Variants in C8orf34 observed in about 807,000 individuals in gnomAD.
The protein encoded by C8orf34 is uncharacterized protein C8orf34.
Under a neutral mutation model 68.3 loss-of-function variants are expected in C8orf34, and 65 were observed. That is an observed-to-expected ratio of 0.95 (90% CI 0.78 to 1.17). The LOEUF is 1.17. C8orf34 is among the 50% of genes most tolerant of loss of function. C8orf34 has a pLI of 0.00. For synonymous variants in C8orf34, 244 were observed against 241.2 expected, an observed-to-expected ratio of 1.01 and a Z score of -0.11; for missense variants, 664 against 655.4, an observed-to-expected ratio of 1.01 and a Z score of -0.14.
chr8:68,465,082 A>G (rs867246991), intron 3 of C8orf34, among the ~76,000 whole-genome samples: 4 of 151,988 alleles, frequency 2.6e-5, no homozygotes, highest in Admixed American at 6.6e-5. Context: ...AGAATCTACA[A>G]TGAACTCAAA....
At chr8:68,788,887 T>C (rs72652109) in intron 12 of C8orf34, among the ~76,000 whole-genome samples, 13,395 of 150,762 alleles carry the variant, frequency 0.089, 1,249 homozygotes, top group African/African-American at 0.24. Flanking sequence ...CTGATAAAGA[T>C]GGAGAAAGTA....
At chr8:68,392,482 G>C (rs917507845) in intron 1 of C8orf34, among the ~76,000 whole-genome samples, 1 of 151,714 alleles carries the variant, frequency 6.6e-6, no homozygotes, top group African/African-American at 2.4e-5. Context: ...ATGTTTACTG[G>C]ATTATTCTTA....
chr8:68,442,266 C>CA (rs1376444576), intron 2 of C8orf34, among the ~76,000 whole-genome samples: 1 of 151,818 alleles, frequency 6.6e-6, no homozygotes. Context: ...AAAGAGTTGG[C>CA]AAAGGAAAAT....
intron 8 of C8orf34, among the ~76,000 whole-genome samples, chr8:68,667,606 G>A (rs1347659662): frequency 3.3e-5 from 5 of 152,140 alleles, no homozygotes; most frequent in Non-Finnish European, 5.9e-5. Flanking sequence ...TGCATTCCCA[G>A]AGGCTAGATG....
chr8:68,774,156 C>T (rs1324448148), intron 10 of C8orf34, among the ~76,000 whole-genome samples: 2 of 151,930 alleles, frequency 1.3e-5, no homozygotes, highest in African/African-American at 4.8e-5. Flanking sequence ...CCTAACCACC[C>T]AGGCAAAGGA....
At chr8:68,486,581 A>G (rs1044052273) in intron 4 of C8orf34, among the ~76,000 whole-genome samples, 3 of 152,198 alleles carry the variant, frequency 2.0e-5, no homozygotes, top group Non-Finnish European at 4.4e-5. Flanking sequence ...GGTGTCATTT[A>G]CTGAGATGAA....
intron 1 of C8orf34, among the ~76,000 whole-genome samples, chr8:68,426,459 T>C (rs1306800254): frequency 7.4e-6 from 1 of 135,490 alleles, no homozygotes; most frequent in Non-Finnish European, 1.5e-5. Flanking sequence ...GCGGAGGTTG[T>C]AGTGAGCGGA....
chr8:68,598,125 A>G (rs1473266), intron 7 of C8orf34, among the ~76,000 whole-genome samples: 20,987 of 152,096 alleles, frequency 0.14, 1,991 homozygotes, highest in African/African-American at 0.27. Context: ...ACCCATATCA[A>G]TGAAAATGAA....
intron 1 of C8orf34, among the ~76,000 whole-genome samples, chr8:68,337,881 GA>G (rs1350529917): frequency 1.3e-5 from 2 of 152,140 alleles, no homozygotes; most frequent in South Asian, 4.1e-4. Flanking sequence ...TGAAATATCT[GA>G]AAAAAATATT....
chr8:68,641,099 T>A (rs1388610362), intron 8 of C8orf34, among the ~76,000 whole-genome samples: 1 of 152,230 alleles, frequency 6.6e-6, no homozygotes, highest in Non-Finnish European at 1.5e-5. Flanking sequence ...TTGTAGGAAC[T>A]AAATCTCATT....
intron 8 of C8orf34, among the ~76,000 whole-genome samples, chr8:68,652,508 T>C (rs1819391967): frequency 6.6e-6 from 1 of 152,210 alleles, no homozygotes; most frequent in South Asian, 2.1e-4. Context: ...CAAAGATTTA[T>C]TCCTATGTGA....
At chr8:68,364,751 T>G (rs1442814097) in intron 1 of C8orf34, among the ~76,000 whole-genome samples, 1 of 136,432 alleles carries the variant, frequency 7.3e-6, no homozygotes, top group African/African-American at 2.7e-5. Flanking sequence ...AAGCAGTGTG[T>G]AGAGGGAAAT....
At chr8:68,534,443 G>A in intron 7 of C8orf34, 2 of 733,872 alleles carry the variant, frequency 2.7e-6, no homozygotes, top group Non-Finnish European at 3.3e-6. Flanking sequence ...TGTGTTTGAA[G>A]GAATTTTACA....
At chr8:68,561,124 A>G (rs1816411172) in intron 7 of C8orf34, among the ~76,000 whole-genome samples, 1 of 151,628 alleles carries the variant, frequency 6.6e-6, no homozygotes, top group South Asian at 2.1e-4. Flanking sequence ...CTGGGATTAC[A>G]GGTGCATGCC....
intron 5 of C8orf34, among the ~76,000 whole-genome samples, chr8:68,490,110 C>A (rs1477067767): frequency 6.6e-6 from 1 of 152,144 alleles, no homozygotes; most frequent in Non-Finnish European, 1.5e-5. Context: ...CAGCTGGTCT[C>A]CTTCTTATGC....
In C8orf34 at chr8:68,709,899, A is replaced by G. The variant is rs368997106; in HGVS notation, c.1327+820A>G. The stretch of plus-strand genomic sequence containing the variant: ...GTACATCACGTCTTCATCAGTCAGC[A>G]TAATAGCAAAACACAGTCCATACAT... On this transcript the variant is annotated intron_variant, in intron 9 of 13. Coordinates refer to ENST00000518698, the MANE Select transcript of C8orf34 (RefSeq NM_052958.4). Among the ~76,000 whole-genome samples the G allele has an allele frequency of 1.3e-4, 20 of 152,330 alleles. No homozygotes were observed. The East Asian group carries it at 1.7e-3, about 13-fold the overall frequency.
At chr8:68,650,548 C>T (rs1363865887) in intron 8 of C8orf34, among the ~76,000 whole-genome samples, 3 of 145,052 alleles carry the variant, frequency 2.1e-5, no homozygotes, top group Non-Finnish European at 3.0e-5. Flanking sequence ...GGCAGGATCT[C>T]GGCTCACTGC....
chr8:68,650,421 C>T (rs1413369393), intron 8 of C8orf34, among the ~76,000 whole-genome samples: 1 of 151,148 alleles, frequency 6.6e-6, no homozygotes, highest in African/African-American at 2.4e-5. Flanking sequence ...AAAGATTGGT[C>T]GGACCAGGTG....
intron 1 of C8orf34, among the ~76,000 whole-genome samples, chr8:68,386,912 C>G (rs1173612153): frequency 6.6e-6 from 1 of 152,072 alleles, no homozygotes; most frequent in Non-Finnish European, 1.5e-5. Context: ...AGTCTCCAGA[C>G]ATTGCCAAAA....
Sources: allele counts gnomAD v4.1 joint callset (sites outside exome capture counted in the v4.1 genomes callset), GRCh38; gene constraint gnomAD v4.1.1; transcripts MANE v1.5; gene names NCBI Gene and HGNC (gene_info 2026-07-23, HGNC 2026-07-21).